The following ELL variants were observed in gnomAD, a reference collection of about 807,000 sequenced individuals.
ELL encodes the protein elongation factor for RNA polymerase II.
Under a neutral mutation model 64.0 loss-of-function variants are expected in ELL, and 18 were observed. The ratio of observed to expected loss-of-function variants is 0.28; its 90% CI spans 0.19 to 0.42. The LOEUF (loss-of-function observed/expected upper bound fraction) is 0.42. ELL is among the 10% of genes least tolerant of loss of function. The probability of loss-of-function intolerance (pLI) is 1.00; values close to 1 mark genes in which losing one functional copy is unlikely to be tolerated. For synonymous variants in ELL, 399 were observed against 376.2 expected (o/e 1.06, Z -0.70); for missense variants, 797 against 870.4 (o/e 0.92, Z 1.06).
chr19:18,488,896 C>A (rs1413534261), intron 1 of ELL, among the ~76,000 whole-genome samples: 1 of 152,190 alleles, frequency 6.6e-6, no homozygotes, highest in African/African-American at 2.4e-5. Flanking sequence ...TCCAAACTGA[C>A]AAACTGACTC....
At chr19:18,479,814 A>ACGGGGCCCAATCTGGC (rs1223010877) in intron 1 of ELL, among the ~76,000 whole-genome samples, 1 of 151,968 alleles carries the variant, frequency 6.6e-6, no homozygotes, top group Non-Finnish European at 1.5e-5. Context: ...AGACAGATGG[A>ACGGGGCCCAATCTGGC]CGGGGCCCAA....
In ELL at chr19:18,471,980, G is replaced by C. The variant is rs1244667399; in HGVS notation, c.183+855C>G. 2.0e-5 allele frequency among the ~76,000 whole-genome samples: 3 copies of C among 147,068 alleles called. No homozygotes were observed. In the South Asian group the frequency reaches 6.5e-4, roughly 32 times the overall value. On this transcript the variant is annotated intron_variant, in intron 2 of 11. Coordinates refer to ENST00000262809, the MANE Select transcript of ELL (RefSeq NM_006532.4). The stretch of plus-strand genomic sequence containing the variant: ...AATTTTTCTTTTTCTTTTTTTTTTT[G>C]AGACAGAGTTTCGCTCTTGTTGCCC...
chr19:18,462,972 A>G (rs1974858290), intron 4 of ELL, among the ~76,000 whole-genome samples: 1 of 152,162 alleles, frequency 6.6e-6, no homozygotes, highest in Admixed American at 6.5e-5. Flanking sequence ...CCCAACGCAG[A>G]GACGTGGGCA....
chr19:18,510,217 A>T (rs552893838), intron 1 of ELL, among the ~76,000 whole-genome samples: 16 of 152,144 alleles, frequency 1.1e-4, no homozygotes, highest in Non-Finnish European at 1.8e-4. Context: ...AAAACACAAA[A>T]AACTTAGCTG....
At chr19:18,467,931 ACAC>A (rs920145600) in intron 2 of ELL, among the ~76,000 whole-genome samples, 8 of 135,806 alleles carry the variant, frequency 5.9e-5, no homozygotes, top group Non-Finnish European at 1.1e-4. Flanking sequence ...AACCATACAC[ACAC>A]AATACCCAAC....
chr19:18,446,918 G>A, intron 8 of ELL, 104 bp from the exon 9 acceptor site: 1 of 1,259,828 alleles, frequency 7.9e-7, no homozygotes, highest in Admixed American at 1.9e-5. Context: ...CTTTGCTGCT[G>A]GAGGGACATA....
At chr19:18,493,644 G>C (rs1975580923) in intron 1 of ELL, among the ~76,000 whole-genome samples, 1 of 152,262 alleles carries the variant, frequency 6.6e-6, no homozygotes, top group Non-Finnish European at 1.5e-5. Context: ...ACGCCTGGAA[G>C]GGAGGCGTGT....
chr19:18,461,477 T>C, intron 5 of ELL, 101 bp downstream of exon 5: 4 of 1,508,942 alleles, frequency 2.7e-6, no homozygotes, highest in Non-Finnish European at 3.5e-6. Context: ...GGCTCTTCCT[T>C]GCCAGTCCCA....
rs183678175 is a variant in ELL, at chr19:18,519,582, G to A, written c.135+2339C>T. 4.6e-4 allele frequency among the ~76,000 whole-genome samples: 70 copies of A among 152,284 alleles called. 1 individual carries two copies. The East Asian group carries it at 0.011, about 24-fold the overall frequency. ...AGCACTTTTAGAGGCTGAGAAGGAC[G>A]GATCACTGGAGGTCAGGAGTTCAAG... On this transcript the variant is annotated intron_variant, in intron 1 of 11. Coordinates refer to ENST00000262809, the MANE Select transcript of ELL (RefSeq NM_006532.4).
rs997161060 is a variant in ELL at position 18,446,156 on chromosome 19, G to A, written c.1704+153C>T. ...ACCCCAGGGCCGGGCCAGAACCATG[G>A]GGTTGCTGCATGGAGTGCACCAGGG... is the stretch of plus-strand genomic sequence containing the variant. On this transcript the variant is annotated intron_variant, in intron 10 of 11. Coordinates refer to ENST00000262809, the MANE Select transcript of ELL (RefSeq NM_006532.4). The A allele has an allele frequency of 1.1e-4, 108 of 975,942 alleles. No individual in the cohort carries two copies. The East Asian group carries it at 2.9e-3, about 26-fold the overall frequency. The allele number at this position is 975,942 out of a possible 1,614,324, so 60.5% of individuals were successfully genotyped here.
intron 1 of ELL, among the ~76,000 whole-genome samples, chr19:18,516,568 G>A (rs938589645): frequency 3.3e-5 from 5 of 152,068 alleles, no homozygotes; most frequent in African/African-American, 1.2e-4. Context: ...CCCGCCCTGA[G>A]CCATGGGCAC....
At chr19:18,503,261 A>C (rs1473770073) in intron 1 of ELL, among the ~76,000 whole-genome samples, 1 of 152,060 alleles carries the variant, frequency 6.6e-6, no homozygotes, top group Non-Finnish European at 1.5e-5. Context: ...GGGAGGGAGC[A>C]CCCCCACCCT....
At chr19:18,479,708 CAAAAAA>C (rs60371809) in intron 1 of ELL, among the ~76,000 whole-genome samples, 1 of 72,836 alleles carries the variant, frequency 1.4e-5, no homozygotes, top group Non-Finnish European at 2.6e-5. Context: ...GACTCCATCT[CAAAAAA>C]AAAAAAAAAA....
chr19:18,447,143 C>T (rs534941073), intron 8 of ELL, among the ~76,000 whole-genome samples: 177 of 152,364 alleles, frequency 1.2e-3, no homozygotes, highest in African/African-American at 4.1e-3. Flanking sequence ...CAGGGAACTG[C>T]AGGGCCAAAG....
At chr19:18,521,588 G>A (rs933900837) in intron 1 of ELL, among the ~76,000 whole-genome samples, 4 of 151,476 alleles carry the variant, frequency 2.6e-5, no homozygotes, top group Admixed American at 1.3e-4. Flanking sequence ...CGCCAGGTGC[G>A]CAAACTGGAC....
chr19:18,495,533 T>G (rs1327900464), intron 1 of ELL, among the ~76,000 whole-genome samples: 19 of 152,144 alleles, frequency 1.2e-4, no homozygotes, highest in Admixed American at 1.2e-3. Context: ...CCTAAAGGCT[T>G]CTTGGAAGCA....
chr19:18,478,743 A>G (rs77238995), intron 1 of ELL, among the ~76,000 whole-genome samples: 11 of 152,294 alleles, frequency 7.2e-5, no homozygotes, highest in Non-Finnish European at 1.5e-4. Context: ...TGGACTTCAG[A>G]CCCTGACTCG....
chr19:18,488,536 T>C (rs1975463152), intron 1 of ELL, among the ~76,000 whole-genome samples: 1 of 152,176 alleles, frequency 6.6e-6, no homozygotes, highest in South Asian at 2.1e-4. Flanking sequence ...AGGGGCTGCA[T>C]GCTCCCAGCA....
intron 1 of ELL, among the ~76,000 whole-genome samples, chr19:18,505,569 G>A (rs1975865856): frequency 6.6e-6 from 1 of 152,186 alleles, no homozygotes; most frequent in Admixed American, 6.5e-5. Flanking sequence ...TCCTTACTAT[G>A]AGATAGCCTG....
Sources: gnomAD v4.1 joint callset for allele counts (sites outside exome capture counted in the v4.1 genomes callset) on GRCh38, gnomAD v4.1.1 for gene constraint, MANE v1.5 for transcripts, NCBI Gene and HGNC (gene_info 2026-07-23, HGNC 2026-07-21) for gene names.